Variants in SPPL3 observed in about 807,000 individuals in gnomAD.
The protein encoded by SPPL3 is signal peptide peptidase-like 3.
A neutral mutation model predicts 42.4 loss-of-function variants in SPPL3; 5 were observed. That is an observed-to-expected ratio of 0.12 (90% CI 0.06 to 0.25). SPPL3 has a LOEUF of 0.25. SPPL3 is among the 10% of genes least tolerant of loss of function. SPPL3 has a pLI of 1.00. For missense variants in SPPL3, 235 were observed against 489.0 expected (o/e 0.48, Z 4.90); for synonymous variants, 195 against 181.8 (o/e 1.07, Z -0.58).
intron 1 of SPPL3, among the ~76,000 whole-genome samples, chr12:120,879,181 C>T (rs1045736684): frequency 2.7e-4 from 41 of 150,654 alleles, no homozygotes; most frequent in African/African-American, 9.5e-4. Context: ...CAGTTTAATA[C>T]CTGTCATGTA....
chr12:120,871,135 A>AAAAAAAAAAAAAAAAAAAAAAAAAAAAAT (rs1872910134), intron 1 of SPPL3, among the ~76,000 whole-genome samples: 1 of 145,568 alleles, frequency 6.9e-6, no homozygotes, highest in Non-Finnish European at 1.5e-5. Context: ...GTCTCCAAAA[A>AAAAAAAAAAAAAAAAAAAAAAAAAAAAAT]AAAAAAAAAA....
At chr12:120,849,136 C>T (rs925490862) in intron 1 of SPPL3, among the ~76,000 whole-genome samples, 3 of 151,972 alleles carry the variant, frequency 2.0e-5, no homozygotes, top group African/African-American at 7.2e-5. Flanking sequence ...CCCCTGCATT[C>T]CAGCCTGAGC....
At chr12:120,780,685 C>T (rs1051492619) in intron 6 of SPPL3, among the ~76,000 whole-genome samples, 2 of 148,336 alleles carry the variant, frequency 1.3e-5, no homozygotes, top group African/African-American at 5.0e-5. Flanking sequence ...GTCAGGGGTT[C>T]GAGACTAGCC....
intron 3 of SPPL3, among the ~76,000 whole-genome samples, chr12:120,790,110 T>C (rs1179523386): frequency 6.6e-6 from 1 of 152,230 alleles, no homozygotes; most frequent in Non-Finnish European, 1.5e-5. Flanking sequence ...TAAGCTGCTA[T>C]GTAATAATTT....
At chr12:120,779,117 A>G (rs1198053068) in intron 6 of SPPL3, among the ~76,000 whole-genome samples, 1 of 152,208 alleles carries the variant, frequency 6.6e-6, no homozygotes, top group Non-Finnish European at 1.5e-5. Context: ...ACCCCAAACA[A>G]TGGACCAAAT....
chr12:120,786,645 C>G (rs1411018700), intron 3 of SPPL3, among the ~76,000 whole-genome samples: 1 of 151,820 alleles, frequency 6.6e-6, no homozygotes, highest in Non-Finnish European at 1.5e-5. Context: ...AGATAGAATG[C>G]ACAGATTTTT....
At chr12:120,766,155 A>C in intron 10 of SPPL3, 108 bp downstream of exon 10, 7 of 797,842 alleles carry the variant, frequency 8.8e-6, no homozygotes, top group South Asian at 3.7e-5. Flanking sequence ...CGAGATCACA[A>C]GCTCACTCAG....
chr12:120,846,578 TG>T (rs1263488458), intron 1 of SPPL3, among the ~76,000 whole-genome samples: 1 of 152,252 alleles, frequency 6.6e-6, no homozygotes, highest in African/African-American at 2.4e-5. Flanking sequence ...ACGGTTGATC[TG>T]CTTACTTAGT....
chr12:120,830,155 T>C (rs1431700761), intron 1 of SPPL3, among the ~76,000 whole-genome samples: 1 of 146,788 alleles, frequency 6.8e-6, no homozygotes, highest in African/African-American at 2.5e-5. Context: ...TACATTAATA[T>C]TTGGAAGATG....
At chr12:120,870,282 C>T (rs966706851) in intron 1 of SPPL3, among the ~76,000 whole-genome samples, 2 of 151,778 alleles carry the variant, frequency 1.3e-5, no homozygotes, top group African/African-American at 2.4e-5. Context: ...CCCATCTCTA[C>T]TAAAAATACA....
chr12:120,875,497 C>T (rs989167291), intron 1 of SPPL3, among the ~76,000 whole-genome samples: 2 of 151,776 alleles, frequency 1.3e-5, no homozygotes, highest in African/African-American at 2.4e-5. Context: ...AGCATGGTGG[C>T]GGACGCCCGT....
intron 1 of SPPL3, among the ~76,000 whole-genome samples, chr12:120,903,152 ACT>A (rs1874035355): frequency 6.6e-6 from 1 of 151,962 alleles, no homozygotes; most frequent in Admixed American, 6.6e-5. Flanking sequence ...CCTTACAAAG[ACT>A]CTGCCCATGC....
chr12:120,782,897 C>G, intron 5 of SPPL3, 130 bp from the exon 6 acceptor site: 1 of 667,366 alleles, frequency 1.5e-6, no homozygotes, highest in Non-Finnish European at 2.6e-6. Context: ...CCAAAATACC[C>G]AATCCTTTTT....
chr12:120,817,809 G>T (rs1870931645), intron 1 of SPPL3, among the ~76,000 whole-genome samples: 1 of 152,116 alleles, frequency 6.6e-6, no homozygotes, highest in Admixed American at 6.6e-5. Flanking sequence ...GGTAACGACA[G>T]GGAGGAAAAG....
intron 1 of SPPL3, among the ~76,000 whole-genome samples, chr12:120,882,650 G>A (rs900322182): frequency 6.6e-6 from 1 of 152,054 alleles, no homozygotes; most frequent in Non-Finnish European, 1.5e-5. Flanking sequence ...GGTATCAAAA[G>A]ACATTCAAGA....
intron 3 of SPPL3, 100 bp from the exon 4 acceptor site, chr12:120,784,693 CG>C: frequency 1.2e-6 from 1 of 868,968 alleles, no homozygotes; most frequent in Non-Finnish European, 1.7e-6. Context: ...GACAGTTCTA[CG>C]GATTATACGT....
At chr12:120,861,278 T>C (rs971790078) in intron 1 of SPPL3, among the ~76,000 whole-genome samples, 21 of 152,260 alleles carry the variant, frequency 1.4e-4, no homozygotes, top group African/African-American at 5.1e-4. Context: ...TAAAGCTTTA[T>C]TTACAAAAAC....
chr12:120,877,355 CATTCTA>C (rs139185251), intron 1 of SPPL3, among the ~76,000 whole-genome samples: 6,347 of 152,268 alleles, frequency 0.042, 181 homozygotes, highest in South Asian at 0.11. Flanking sequence ...CTTCCCAACT[CATTCTA>C]TAAGGCCAGC....
At chr12:120,882,189 AT>A (rs1216706696) in intron 1 of SPPL3, among the ~76,000 whole-genome samples, 1 of 152,106 alleles carries the variant, frequency 6.6e-6, no homozygotes, top group Admixed American at 6.5e-5. Flanking sequence ...TTTGATAACC[AT>A]CTTGGTTATC....
Sources: allele counts gnomAD v4.1 joint callset (sites outside exome capture counted in the v4.1 genomes callset), GRCh38; gene constraint gnomAD v4.1.1; transcripts MANE v1.5; gene names NCBI Gene and HGNC (gene_info 2026-07-23, HGNC 2026-07-21).